GPC6: variants seen among roughly 807,000 people sequenced by gnomAD.
The protein encoded by GPC6 is glypican-6.
GPC6 carries 14 observed loss-of-function variants against 55.2 expected under a neutral mutation model. The observed-to-expected ratio is 0.25, with a 90% CI of 0.17 to 0.40. The LOEUF is 0.40. Among genes scored for constraint, GPC6 ranks in the 10% least tolerant of loss-of-function variants. GPC6 has a pLI of 1.00. For synonymous variants in GPC6, 278 were observed against 259.6 expected (o/e 1.07, Z -0.68); for missense variants, 641 against 708.5 (o/e 0.90, Z 1.08).
At chr13:94,141,859 CTCTT>C (rs1205518491) in intron 4 of GPC6, among the ~76,000 whole-genome samples, 2 of 151,954 alleles carry the variant, frequency 1.3e-5, no homozygotes, top group South Asian at 2.1e-4. Flanking sequence ...GAACCAAACA[CTCTT>C]TCTAGCATGT....
chr13:93,833,204 C>T (rs73551734), intron 3 of GPC6, among the ~76,000 whole-genome samples: 5,635 of 148,502 alleles, frequency 0.038, 134 homozygotes, highest in South Asian at 0.067. Context: ...CTGAGCAATG[C>T]TTTTGTGAAT....
chr13:93,277,020 G>A (rs751044560), intron 1 of GPC6, among the ~76,000 whole-genome samples: 2 of 152,186 alleles, frequency 1.3e-5, no homozygotes, highest in Non-Finnish European at 2.9e-5. Context: ...ACCAGAAATG[G>A]AGTCATTACA....
chr13:93,587,517 T>C (rs1877260784), intron 2 of GPC6, among the ~76,000 whole-genome samples: 1 of 152,208 alleles, frequency 6.6e-6, no homozygotes, highest in Admixed American at 6.5e-5. Context: ...ATGATTGTTA[T>C]GGTTCATGTT....
intron 1 of GPC6, among the ~76,000 whole-genome samples, chr13:93,373,845 ATATT>A (rs1337642072): frequency 6.6e-6 from 1 of 152,182 alleles, no homozygotes; most frequent in African/African-American, 2.4e-5. Context: ...TTTATTATAT[ATATT>A]GTTTCTTTTA....
intron 5 of GPC6, among the ~76,000 whole-genome samples, chr13:94,291,498 G>A (rs1874977163): frequency 6.6e-6 from 1 of 152,098 alleles, no homozygotes; most frequent in Non-Finnish European, 1.5e-5. Flanking sequence ...AAATTCCATG[G>A]GAAACACCAA....
intron 4 of GPC6, among the ~76,000 whole-genome samples, chr13:94,172,761 A>C (rs1247074425): frequency 1.3e-5 from 2 of 152,212 alleles, no homozygotes; most frequent in Non-Finnish European, 2.9e-5. Context: ...TAAATGACCA[A>C]GTTACGTGCA....
intron 1 of GPC6, among the ~76,000 whole-genome samples, chr13:93,478,758 A>G (rs142342944): frequency 2.0e-5 from 3 of 152,334 alleles, no homozygotes; most frequent in Admixed American, 2.0e-4. Flanking sequence ...ATGTGTCTCT[A>G]TGAAGTGTAC....
intron 2 of GPC6, among the ~76,000 whole-genome samples, chr13:93,685,225 G>A (rs1882004249): frequency 6.6e-6 from 1 of 152,186 alleles, no homozygotes; most frequent in African/African-American, 2.4e-5. Flanking sequence ...ACCAGTGCCT[G>A]TAGTAGGACT....
intron 4 of GPC6, among the ~76,000 whole-genome samples, chr13:94,066,650 A>C (rs139836595): frequency 6.6e-6 from 1 of 152,316 alleles, no homozygotes; most frequent in Non-Finnish European, 1.5e-5. Context: ...CCAGAGAAGA[A>C]GCCTAAGGTG....
At chr13:94,223,675 A>G (rs1438943814) in intron 4 of GPC6, among the ~76,000 whole-genome samples, 2 of 152,102 alleles carry the variant, frequency 1.3e-5, no homozygotes, top group East Asian at 1.9e-4. Context: ...GCACTACAAC[A>G]CAGTTACTGT....
chr13:94,276,513 A>G (rs571470443), intron 4 of GPC6, among the ~76,000 whole-genome samples: 1 of 152,206 alleles, frequency 6.6e-6, no homozygotes, highest in South Asian at 2.1e-4. Flanking sequence ...CATGTACAGA[A>G]CGTGCAGGTG....
chr13:94,383,804 TC>T (rs199551976), intron 7 of GPC6, among the ~76,000 whole-genome samples: 2,025 of 152,220 alleles, frequency 0.013, 15 homozygotes, highest in Non-Finnish European at 0.02. Flanking sequence ...GACCCACAGT[TC>T]CCTATAGCTG....
intron 4 of GPC6, among the ~76,000 whole-genome samples, chr13:94,127,443 C>A (rs1381964183): frequency 6.6e-6 from 1 of 152,112 alleles, no homozygotes; most frequent in South Asian, 2.1e-4. Flanking sequence ...TCCGCCTTTG[C>A]CTTCCACTGT....
intron 1 of GPC6, among the ~76,000 whole-genome samples, chr13:93,487,641 C>G (rs1879779049): frequency 6.6e-6 from 1 of 152,074 alleles, no homozygotes. Flanking sequence ...CCCCTTGTTG[C>G]TTTTACTTGA....
At chr13:93,976,926 TATAA>T (rs1250860539) in intron 3 of GPC6, among the ~76,000 whole-genome samples, 13 of 152,238 alleles carry the variant, frequency 8.5e-5, no homozygotes, top group African/African-American at 3.1e-4. Context: ...AGCATAAGAA[TATAA>T]ACAAGTCGTA....
At chr13:94,348,528 G>A (rs1006037523) in intron 6 of GPC6, among the ~76,000 whole-genome samples, 1 of 152,164 alleles carries the variant, frequency 6.6e-6, no homozygotes, top group African/African-American at 2.4e-5. Context: ...ACTCCCCTAT[G>A]TATTCCTGTT....
intron 7 of GPC6, among the ~76,000 whole-genome samples, chr13:94,390,675 T>C (rs77156622): frequency 0.058 from 8,754 of 152,116 alleles, 356 homozygotes; most frequent in Non-Finnish European, 0.092. Flanking sequence ...ATCTCCAACA[T>C]TGGAGATTAA....
chr13:93,860,700 C>A (rs755584433), intron 3 of GPC6, among the ~76,000 whole-genome samples: 2 of 151,574 alleles, frequency 1.3e-5, no homozygotes, highest in Non-Finnish European at 3.0e-5. Context: ...AGGCATTCCA[C>A]ATTAACTTGT....
chr13:94,355,309 C>A (rs1321434121), intron 6 of GPC6, among the ~76,000 whole-genome samples: 1 of 151,942 alleles, frequency 6.6e-6, no homozygotes, highest in African/African-American at 2.4e-5. Flanking sequence ...AGGGGTGAGC[C>A]ACGGCGCCCG....
Sources: gnomAD v4.1 joint callset for allele counts (sites outside exome capture counted in the v4.1 genomes callset) on GRCh38, gnomAD v4.1.1 for gene constraint, MANE v1.5 for transcripts, NCBI Gene and HGNC (gene_info 2026-07-23, HGNC 2026-07-21) for gene names.